PCDHGB1: variants seen among roughly 807,000 people sequenced by gnomAD.
The protein encoded by PCDHGB1 is protocadherin gamma subfamily B, 1.
In PCDHGB1, 34 loss-of-function variants were observed where a neutral mutation model predicts 56.6. That is an observed-to-expected ratio of 0.60 (90% CI 0.46 to 0.80). The LOEUF is 0.80. PCDHGB1 is among the 30% of genes least tolerant of loss of function. The pLI is 0.00. For synonymous variants in PCDHGB1, 561 were observed against 505.9 expected (o/e 1.11, Z -1.46); for missense variants, 1,278 against 1,204.6 (o/e 1.06, Z -0.90).
intron 1 of PCDHGB1, among the ~76,000 whole-genome samples, chr5:141,454,750 T>C (rs992030704): frequency 1.3e-5 from 2 of 150,108 alleles, no homozygotes; most frequent in Admixed American, 6.7e-5. Flanking sequence ...GAGGCCAAAC[T>C]AATCTTGACA....
At chr5:141,445,257 A>G (rs1253126709) in intron 1 of PCDHGB1, among the ~76,000 whole-genome samples, 3 of 152,152 alleles carry the variant, frequency 2.0e-5, no homozygotes, top group African/African-American at 2.4e-5. Context: ...GTGTGAGAAT[A>G]TAAGTCGAAA....
Position 141,485,072 on chromosome 5 carries a change from G to C in PCDHGB1, c.2410-9735G>C. 1.1e-6 allele frequency: 1 copy of C among 917,012 alleles called. No individual in the cohort carries two copies. The highest frequency in any genetic ancestry group is 1.7e-6 in the Non-Finnish European group (1 of 587,880). 56.8% of individuals were successfully genotyped at this position (917,012 alleles called of 1,614,324 possible). On this transcript the variant is annotated intron_variant, in intron 1 of 3. Coordinates refer to ENST00000523390, the MANE Select transcript of PCDHGB1 (RefSeq NM_018922.3). The surrounding 1 kb of genome is among the most constrained non-coding windows in gnomAD (Gnocchi z 5.7). ...CCGGCCGAACCGCGCCAGAGCTGGCGCGGGGAAAGGGAGATAGGTGTCTCC... is the reference window on the plus strand; with the variant it reads ...CCGGCCGAACCGCGCCAGAGCTGGCCCGGGGAAAGGGAGATAGGTGTCTCC...
At chr5:141,481,844 G>A (rs552753850) in intron 1 of PCDHGB1, among the ~76,000 whole-genome samples, 7 of 151,350 alleles carry the variant, frequency 4.6e-5, no homozygotes, top group Admixed American at 1.3e-4. Context: ...TCGCTTGATG[G>A]TGGAGGTTGC....
Position 141,385,647 on chromosome 5 carries a change from A to C in PCDHGB1, c.2409+32978A>C, listed in dbSNP as rs541754761. On this transcript the variant is annotated intron_variant, in intron 1 of 3. Transcript: ENST00000523390. The stretch of plus-strand genomic sequence containing the variant: ...GAATGAATCGAGTCTTTCATATTGC[A>C]CAAGGTTAGCAGGAATAAAACACAC... The C allele has an allele frequency of 2.2e-5, 16 of 727,638 alleles. No homozygotes were observed. The African/African-American group carries it at 2.4e-4, about 11-fold the overall frequency. 45.1% of individuals were successfully genotyped at this position (727,638 alleles called of 1,614,324 possible).
intron 1 of PCDHGB1, chr5:141,413,123 A>T: frequency 6.5e-7 from 1 of 1,526,818 alleles, no homozygotes. Flanking sequence ...GAACCGGTTG[A>T]AACACACAAC....
At chr5:141,365,169 CT>C in intron 1 of PCDHGB1, 1 of 1,613,926 alleles carries the variant, frequency 6.2e-7, no homozygotes, top group East Asian at 2.2e-5. Context: ...TTGACCTACT[CT>C]TTTCGCAATG....
intron 1 of PCDHGB1, chr5:141,375,025 T>C (rs1771054334): frequency 3.7e-6 from 6 of 1,614,042 alleles, no homozygotes; most frequent in Non-Finnish European, 5.1e-6. Flanking sequence ...ACTCGAGTTT[T>C]TATGAGCTGG....
At chr5:141,403,986 C>T in intron 1 of PCDHGB1, 1 of 1,613,704 alleles carries the variant, frequency 6.2e-7, no homozygotes, top group Non-Finnish European at 8.5e-7. Context: ...GACAATAGAC[C>T]TGAAGTGACC....
intron 1 of PCDHGB1, among the ~76,000 whole-genome samples, chr5:141,401,410 A>C (rs536817103): frequency 6.6e-6 from 1 of 152,236 alleles, no homozygotes; most frequent in South Asian, 2.1e-4. Flanking sequence ...TGAGAGAGAA[A>C]GAGAGAGACT....
rs943867570 is a variant in PCDHGB1 at position 141,493,651 on chromosome 5, T to C, written c.2410-1156T>C. On this transcript the variant is annotated intron_variant, in intron 1 of 3. Coordinates refer to ENST00000523390, the MANE Select transcript of PCDHGB1 (RefSeq NM_018922.3). The surrounding 1 kb of genome is among the most constrained non-coding windows in gnomAD (Gnocchi z 4.3). ...AGTGGCTGAGGGCTGGCCATCCCTGTGCCCTTCTCCATGGCAGCCCCAGAA... is the reference window on the plus strand; with the variant it reads ...AGTGGCTGAGGGCTGGCCATCCCTGCGCCCTTCTCCATGGCAGCCCCAGAA... Among the ~76,000 whole-genome samples, 1 of 152,204 alleles carries C rather than the reference T, an allele frequency of 6.6e-6. No individual in the cohort carries two copies. The highest frequency in any genetic ancestry group is 1.5e-5 in the Non-Finnish European group (1 of 68,030).
In PCDHGB1 at chr5:141,351,902, G is replaced by C; in HGVS notation, c.1642G>C (p.Val548Leu). 6.2e-7 allele frequency: 1 copy of C among 1,613,444 alleles called. No homozygotes were observed. The highest frequency in any genetic ancestry group is 8.5e-7 in the Non-Finnish European group (1 of 1,179,762). Residue 548 changes from valine (V) to leucine (L), a missense_variant, in exon 1 of 4, where the codon GTG (valine) becomes CTG (leucine). Transcript: ENST00000523390. ...LSANVSLRVL[V>L]GDLNDNAPRV... is the part of the protein sequence containing the mutation. ...CGCCAACGTGAGCCTGCGCGTGTTG[G>C]TGGGCGACCTCAATGACAATGCGCC...
In PCDHGB1 at chr5:141,405,177, G is replaced by C. The variant is rs370032217; in HGVS notation, c.2409+52508G>C. On this transcript the variant is annotated intron_variant, in intron 1 of 3. Coordinates refer to ENST00000523390, the MANE Select transcript of PCDHGB1 (RefSeq NM_018922.3). Reference sequence around the variant, plus strand: ...GGTGTGCCCACCTCACACTTTGTGGGTGTAGATGGGGTTCGAGCTTTCCTA... The same window carrying C: ...GGTGTGCCCACCTCACACTTTGTGGCTGTAGATGGGGTTCGAGCTTTCCTA... 1.6e-5 allele frequency: 26 copies of C among 1,614,140 alleles called. No homozygotes were observed. The highest frequency in any genetic ancestry group is 2.0e-5 in the Non-Finnish European group (24 of 1,180,024).
chr5:141,365,907 G>A, intron 1 of PCDHGB1: 1 of 1,614,196 alleles, frequency 6.2e-7, no homozygotes, highest in Non-Finnish European at 8.5e-7. Context: ...GAGCAGTTGA[G>A]AGACCTACAG....
At chr5:141,496,329 C>T (rs1435070517) in intron 2 of PCDHGB1, among the ~76,000 whole-genome samples, 2 of 152,186 alleles carry the variant, frequency 1.3e-5, no homozygotes, top group South Asian at 4.1e-4. Context: ...AGTTAGAAGT[C>T]AGGAGCCTGG....
intron 1 of PCDHGB1, chr5:141,433,178 A>G: frequency 6.2e-7 from 1 of 1,608,316 alleles, no homozygotes. Context: ...TCATGGGTTA[A>G]TTGAGGTGAG....
intron 1 of PCDHGB1, chr5:141,370,755 G>C: frequency 6.2e-7 from 1 of 1,613,972 alleles, no homozygotes; most frequent in South Asian, 1.1e-5. Flanking sequence ...TCATGTAACT[G>C]TGCTGATCCA....
At chr5:141,368,582 T>C (rs1765741936) in intron 1 of PCDHGB1, among the ~76,000 whole-genome samples, 1 of 152,032 alleles carries the variant, frequency 6.6e-6, no homozygotes, top group African/African-American at 2.4e-5. Flanking sequence ...TAGGGTAAGG[T>C]GTTTGGGAAA....
At chr5:141,362,136 C>G in intron 1 of PCDHGB1, 1 of 1,614,042 alleles carries the variant, frequency 6.2e-7, no homozygotes, top group African/African-American at 1.3e-5. Context: ...TCGCGGATAG[C>G]CTGCAAGAGG....
intron 1 of PCDHGB1, chr5:141,421,470 A>T: frequency 2.5e-6 from 4 of 1,614,130 alleles, no homozygotes; most frequent in Non-Finnish European, 3.4e-6. Context: ...TGAATCCGCG[A>T]AGCGGCAGCT....
Sources: gnomAD v4.1 joint callset for allele counts (sites outside exome capture counted in the v4.1 genomes callset) on GRCh38, gnomAD v4.1.1 for gene constraint, Gnocchi (gnomAD v3.1) non-coding constraint, MANE v1.5 for transcripts, NCBI Gene and HGNC (gene_info 2026-07-23, HGNC 2026-07-21) for gene names.